Variants in SLC39A11 observed in about 807,000 individuals in gnomAD.
SLC39A11 encodes the protein zinc transporter ZIP11.
A neutral mutation model predicts 36.1 loss-of-function variants in SLC39A11; 33 were observed. The observed-to-expected ratio is 0.91, with a 90% CI of 0.69 to 1.22. SLC39A11 has a LOEUF of 1.22. Among genes scored for constraint, SLC39A11 ranks in the 50% most tolerant of loss-of-function variants. SLC39A11 has a pLI of 0.00. For synonymous variants in SLC39A11, 166 were observed against 170.3 expected (o/e 0.97, Z 0.20); for missense variants, 432 against 430.3 (o/e 1.00, Z -0.03).
intron 1 of SLC39A11, among the ~76,000 whole-genome samples, chr17:73,089,005 G>A (rs1480748590): frequency 6.6e-6 from 1 of 152,136 alleles, no homozygotes; most frequent in Non-Finnish European, 1.5e-5. Flanking sequence ...AAGGCACAGG[G>A]AGATGCCAGG....
At chr17:72,782,340 G>A (rs1305085572) in intron 6 of SLC39A11, among the ~76,000 whole-genome samples, 1 of 152,026 alleles carries the variant, frequency 6.6e-6, no homozygotes, top group Non-Finnish European at 1.5e-5. Flanking sequence ...CTTGCTCCGG[G>A]GTCTTTCACC....
intron 6 of SLC39A11, among the ~76,000 whole-genome samples, chr17:72,846,669 T>C (rs558109487): frequency 4.2e-4 from 64 of 152,288 alleles, no homozygotes; most frequent in South Asian, 2.1e-4. Flanking sequence ...AAGGGTCCAT[T>C]AGAGGAAAGT....
At chr17:72,805,480 C>A (rs980778953) in intron 6 of SLC39A11, among the ~76,000 whole-genome samples, 2 of 152,228 alleles carry the variant, frequency 1.3e-5, no homozygotes, top group African/African-American at 4.8e-5. Context: ...GTGGAACTGG[C>A]CACCTACAGT....
chr17:72,886,884 A>C (rs2081463194), intron 5 of SLC39A11, among the ~76,000 whole-genome samples: 1 of 152,132 alleles, frequency 6.6e-6, no homozygotes, highest in Admixed American at 6.6e-5. Context: ...CCCTCTGACC[A>C]GGATAATCTC....
chr17:72,788,288 T>C (rs7406107), intron 6 of SLC39A11, among the ~76,000 whole-genome samples: 100,711 of 152,030 alleles, frequency 0.66, 34,182 homozygotes, highest in Middle Eastern at 0.78. Context: ...CCTAACAGCC[T>C]TCTGACACTG....
At chr17:73,013,078 C>T (rs747682688) in intron 4 of SLC39A11, among the ~76,000 whole-genome samples, 5 of 151,796 alleles carry the variant, frequency 3.3e-5, no homozygotes, top group East Asian at 1.9e-4. Flanking sequence ...GGATTACAGG[C>T]GTGAACCACT....
In SLC39A11 at chr17:72,783,016, A is replaced by AAG. The variant is rs1555671225; in HGVS notation, c.602-46298_602-46297insCT. On this transcript the variant is annotated intron_variant, in intron 6 of 9. Transcript: ENST00000255559. ...GACTCTGTCTCAACAAAAAAAAAAA[A>AAG]AAAAAAGAAAAAAGAAAAGAAAAGA... Among the ~76,000 whole-genome samples the AAG allele has an allele frequency of 1.4e-4, 21 of 151,468 alleles. No individual in the cohort carries two copies. In the East Asian group the frequency reaches 3.3e-3, roughly 24 times the overall value.
At chr17:72,717,428 AG>A (rs2073455245) in intron 7 of SLC39A11, among the ~76,000 whole-genome samples, 1 of 152,128 alleles carries the variant, frequency 6.6e-6, no homozygotes, top group Non-Finnish European at 1.5e-5. Flanking sequence ...TGAAGGCTCT[AG>A]GGGAGGATCC....
At chr17:73,022,761 A>T (rs2058395656) in intron 4 of SLC39A11, among the ~76,000 whole-genome samples, 1 of 152,126 alleles carries the variant, frequency 6.6e-6, no homozygotes, top group Non-Finnish European at 1.5e-5. Flanking sequence ...GGTGGAAGAA[A>T]CAATGCTAAC....
chr17:73,088,006 A>C (rs1490383544), intron 2 of SLC39A11, among the ~76,000 whole-genome samples: 1 of 152,186 alleles, frequency 6.6e-6, no homozygotes, highest in Non-Finnish European at 1.5e-5. Flanking sequence ...TCCAGGCCTG[A>C]AAGAAATTAC....
chr17:72,755,935 G>A (rs1293639612), intron 6 of SLC39A11, among the ~76,000 whole-genome samples: 1 of 152,244 alleles, frequency 6.6e-6, no homozygotes, highest in Non-Finnish European at 1.5e-5. Context: ...TGACAGTGGA[G>A]GGGAATGAGC....
intron 5 of SLC39A11, among the ~76,000 whole-genome samples, chr17:72,878,074 G>GT (rs985738257): frequency 2.0e-5 from 3 of 149,890 alleles, no homozygotes; most frequent in Non-Finnish European, 4.4e-5. Context: ...GCGGTGTTTG[G>GT]TTTTTTGTCC....
At chr17:72,912,970 T>G (rs930057130) in intron 5 of SLC39A11, among the ~76,000 whole-genome samples, 4 of 152,152 alleles carry the variant, frequency 2.6e-5, no homozygotes, top group Admixed American at 2.0e-4. Context: ...GTCAGGACGG[T>G]AGCAAAATAT....
chr17:72,772,912 T>A (rs1461488347), intron 6 of SLC39A11, among the ~76,000 whole-genome samples: 1 of 151,960 alleles, frequency 6.6e-6, no homozygotes, highest in African/African-American at 2.4e-5. Context: ...GGTGAAACCC[T>A]GTCTCTACTA....
At chr17:72,895,218 A>C (rs1031215505) in intron 5 of SLC39A11, among the ~76,000 whole-genome samples, 1 of 152,154 alleles carries the variant, frequency 6.6e-6, no homozygotes, top group African/African-American at 2.4e-5. Flanking sequence ...GGGAGAAGGC[A>C]GCTTGGAAAA....
chr17:73,002,079 C>T (rs777883567), intron 4 of SLC39A11, among the ~76,000 whole-genome samples: 1 of 152,070 alleles, frequency 6.6e-6, no homozygotes, highest in Non-Finnish European at 1.5e-5. Flanking sequence ...CAGATTGCCA[C>T]AGTCATCAAT....
At chr17:72,855,758 G>A (rs530324857) in intron 5 of SLC39A11, among the ~76,000 whole-genome samples, 24 of 152,058 alleles carry the variant, frequency 1.6e-4, no homozygotes, top group South Asian at 2.1e-4. Flanking sequence ...TTAGCCAGGC[G>A]TGGTGGCGGG....
chr17:73,090,737 A>G (rs2060895946), intron 1 of SLC39A11, among the ~76,000 whole-genome samples: 1 of 152,224 alleles, frequency 6.6e-6, no homozygotes, highest in African/African-American at 2.4e-5. Context: ...GCTGGTGAAC[A>G]GAACAGAGGG....
chr17:72,689,668 T>C (rs1289271992), intron 7 of SLC39A11, among the ~76,000 whole-genome samples: 1 of 152,090 alleles, frequency 6.6e-6, no homozygotes, highest in Admixed American at 6.5e-5. Context: ...AAAACATCCA[T>C]GCTAAGTGAA....
Sources: allele counts gnomAD v4.1 joint callset (sites outside exome capture counted in the v4.1 genomes callset), GRCh38; gene constraint gnomAD v4.1.1; transcripts MANE v1.5; gene names NCBI Gene and HGNC (gene_info 2026-07-23, HGNC 2026-07-21).